The following KDM4D variants were observed in gnomAD, a reference collection of about 807,000 sequenced individuals.
The protein encoded by KDM4D is lysine-specific demethylase 4D.
For missense variants in KDM4D, 427 were observed against 674.8 expected (o/e 0.63, Z 4.07); for synonymous variants, 254 against 249.1 (o/e 1.02, Z -0.19).
chr11:94,990,805 C>T (rs781983339), intron 2 of KDM4D, among the ~76,000 whole-genome samples: 55 of 152,168 alleles, frequency 3.6e-4, no homozygotes, highest in Non-Finnish European at 7.6e-4. Context: ...GCATTAGGTA[C>T]CTCTGGGAGT....
At chr11:94,978,105 C>G (rs1167156855) in intron 2 of KDM4D, among the ~76,000 whole-genome samples, 2 of 152,098 alleles carry the variant, frequency 1.3e-5, no homozygotes, top group African/African-American at 4.8e-5. Context: ...CATATGAGAT[C>G]AGGCTTTATA....
chr11:94,993,532 A>G (rs1857953431), intron 2 of KDM4D, among the ~76,000 whole-genome samples: 2 of 124,000 alleles, frequency 1.6e-5, no homozygotes, highest in African/African-American at 3.0e-5. Context: ...TTTTTTTTGG[A>G]GCGCAGTCAC....
intron 2 of KDM4D, among the ~76,000 whole-genome samples, chr11:94,995,177 A>C (rs1857965989): frequency 6.6e-6 from 1 of 152,242 alleles, no homozygotes. Context: ...TATATGGAAG[A>C]TAAGTCAAGG....
chr11:94,980,915 C>T (rs1259170175), intron 2 of KDM4D, among the ~76,000 whole-genome samples: 1 of 151,938 alleles, frequency 6.6e-6, no homozygotes, highest in East Asian at 1.9e-4. Flanking sequence ...TTTTCCTTGC[C>T]TTCTTATGTT....
chr11:94,988,751 C>T (rs1469650690), intron 2 of KDM4D, among the ~76,000 whole-genome samples: 2 of 152,172 alleles, frequency 1.3e-5, no homozygotes, highest in African/African-American at 4.8e-5. Context: ...GCTGAAGATT[C>T]TGTGAGCTAC....
chr11:94,996,549 T>A (rs966238571), intron 2 of KDM4D, among the ~76,000 whole-genome samples: 2 of 152,254 alleles, frequency 1.3e-5, no homozygotes, highest in Non-Finnish European at 2.9e-5. Flanking sequence ...TATTGATCTT[T>A]ATAAAACTGC....
intron 2 of KDM4D, among the ~76,000 whole-genome samples, chr11:94,995,830 A>G (rs1479325778): frequency 1.3e-5 from 2 of 152,138 alleles, no homozygotes; most frequent in Non-Finnish European, 2.9e-5. Context: ...TCAACCCATC[A>G]ACAACCTTAT....
chr11:94,997,463 T>A lies in KDM4D; in HGVS notation c.91T>A (p.Phe31Ile). 1 of 1,614,034 alleles carries A rather than the reference T, an allele frequency of 6.2e-7. No individual in the cohort carries two copies. The highest frequency in any genetic ancestry group is 8.5e-7 in the Non-Finnish European group (1 of 1,179,946). Residue 31 changes from phenylalanine to isoleucine, a missense_variant, in exon 3 of 3, where the codon TTT becomes ATT. Transcript: ENST00000335080. The stretch of plus-strand genomic sequence containing the variant: ...TCCAACCAAAGAAGAGTTTAATGAT[T>A]TTGATAAATATATTGCTTACATGGA... ...FHPTKEEFND[F>I]DKYIAYMESQ...
At chr11:94,976,547 G>T (rs587759055) in intron 2 of KDM4D, among the ~76,000 whole-genome samples, 1 of 152,072 alleles carries the variant, frequency 6.6e-6, no homozygotes, top group African/African-American at 2.4e-5. Context: ...CTTAGTGGCT[G>T]GCATTTTGCT....
intron 2 of KDM4D, among the ~76,000 whole-genome samples, chr11:94,995,062 C>T (rs1857965233): frequency 6.6e-6 from 1 of 152,050 alleles, no homozygotes; most frequent in African/African-American, 2.4e-5. Context: ...TGTGCCAACT[C>T]ATTTAATTAA....
intron 2 of KDM4D, among the ~76,000 whole-genome samples, chr11:94,995,341 A>G (rs1319935733): frequency 2.0e-5 from 3 of 152,234 alleles, no homozygotes; most frequent in Non-Finnish European, 4.4e-5. Context: ...AAAGTGCTTA[A>G]TAAGGGGTCT....
At chr11:94,994,190 A>G (rs1160961884) in intron 2 of KDM4D, among the ~76,000 whole-genome samples, 1 of 152,222 alleles carries the variant, frequency 6.6e-6, no homozygotes, top group Non-Finnish European at 1.5e-5. Context: ...TGTCTGGGAA[A>G]AGGGAGATGT....
At chr11:94,996,413 C>T (rs1321267977) in intron 2 of KDM4D, among the ~76,000 whole-genome samples, 1 of 152,198 alleles carries the variant, frequency 6.6e-6, no homozygotes, top group Non-Finnish European at 1.5e-5. Context: ...ACATAGATTA[C>T]TACACTTGAT....
Position 94,975,012 on chromosome 11 carries a change from T to C in KDM4D, c.-444-642T>C, listed in dbSNP as rs587605238. On this transcript the variant is annotated intron_variant, in intron 1 of 2. Transcript: ENST00000335080. ...TGACCTGAGACCCCACGGAGTCTGG[T>C]TCCTGCCTACCTTCCAGACTTCACT... Among the ~76,000 whole-genome samples, 3 of 152,330 alleles carry C rather than the reference T, an allele frequency of 2.0e-5. No individual in the cohort carries two copies. The East Asian group carries it at 5.8e-4, about 29-fold the overall frequency.
At chr11:94,986,050 G>A (rs1360683220) in intron 2 of KDM4D, among the ~76,000 whole-genome samples, 1 of 152,038 alleles carries the variant, frequency 6.6e-6, no homozygotes, top group Non-Finnish European at 1.5e-5. Context: ...TGATAAGACG[G>A]GCTTCATCAA....
chr11:94,980,547 G>A (rs149708721), intron 2 of KDM4D, among the ~76,000 whole-genome samples: 3,704 of 152,062 alleles, frequency 0.024, 59 homozygotes, highest in Middle Eastern at 0.078. Flanking sequence ...CTATTAACAG[G>A]TTATATTTTT....
intron 2 of KDM4D, among the ~76,000 whole-genome samples, chr11:94,987,879 CA>C (rs1205469410): frequency 5.3e-5 from 8 of 151,626 alleles, no homozygotes; most frequent in African/African-American, 1.9e-4. Flanking sequence ...AAAATAGTAA[CA>C]AAAGAAAAAG....
chr11:94,978,230 C>G (rs1565416864), intron 2 of KDM4D, among the ~76,000 whole-genome samples: 1 of 151,966 alleles, frequency 6.6e-6, no homozygotes. Context: ...TCTCATTTAC[C>G]AAGTTATTGG....
chr11:94,989,367 A>G (rs1420456862), intron 2 of KDM4D, among the ~76,000 whole-genome samples: 1 of 152,214 alleles, frequency 6.6e-6, no homozygotes, highest in African/African-American at 2.4e-5. Context: ...GTCCTTGTAG[A>G]TGGATTCAGC....
Sources: allele counts gnomAD v4.1 joint callset (sites outside exome capture counted in the v4.1 genomes callset), GRCh38; gene constraint gnomAD v4.1.1; transcripts MANE v1.5; gene names NCBI Gene and HGNC (gene_info 2026-07-23, HGNC 2026-07-21).